Variants in CSRNP2 observed in about 807,000 individuals in gnomAD.
The protein encoded by CSRNP2 is cysteine/serine-rich nuclear protein 2.
Under a neutral mutation model 36.6 loss-of-function variants are expected in CSRNP2, and 11 were observed. That is an observed-to-expected ratio of 0.30 (90% CI 0.19 to 0.50). CSRNP2 has a LOEUF of 0.50. CSRNP2 is among the 20% of genes least tolerant of loss of function. The pLI is 0.98. For missense variants in CSRNP2, 483 were observed against 691.4 expected (o/e 0.70, Z 3.38); for synonymous variants, 248 against 275.3 (o/e 0.90, Z 0.98).
At chr12:51,070,453 C>T (rs1272913787) in intron 3 of CSRNP2, among the ~76,000 whole-genome samples, 1 of 152,100 alleles carries the variant, frequency 6.6e-6, no homozygotes, top group African/African-American at 2.4e-5. Flanking sequence ...CCTAAGCATA[C>T]CCCCTCCTGC....
intron 1 of CSRNP2, among the ~76,000 whole-genome samples, chr12:51,081,059 G>A (rs986182173): frequency 6.6e-6 from 1 of 152,066 alleles, no homozygotes; most frequent in Non-Finnish European, 1.5e-5. Flanking sequence ...AGGCCAAGGC[G>A]GGCAGATCAC....
At chr12:51,073,727 G>GAA (rs55789323) in intron 3 of CSRNP2, 96 bp downstream of exon 3, 38 of 1,033,124 alleles carry the variant, frequency 3.7e-5, no homozygotes, top group African/African-American at 7.4e-5. Context: ...CTCTGTCCCA[G>GAA]AAAAAAAAAA....
At chr12:51,077,426 AAC>A in intron 1 of CSRNP2, among the ~76,000 whole-genome samples, 1 of 152,320 alleles carries the variant, frequency 6.6e-6, no homozygotes, top group South Asian at 2.1e-4. Context: ...AGGCTGAGAG[AAC>A]ACAGAATGCA....
intron 2 of CSRNP2, among the ~76,000 whole-genome samples, chr12:51,074,725 A>C (rs1320383833): frequency 6.6e-6 from 1 of 152,202 alleles, no homozygotes; most frequent in Non-Finnish European, 1.5e-5. Context: ...TACAGCAGCT[A>C]CTAGCCATGT....
At chr12:51,072,820 G>A (rs1356110537) in intron 3 of CSRNP2, among the ~76,000 whole-genome samples, 2 of 152,152 alleles carry the variant, frequency 1.3e-5, no homozygotes, top group Admixed American at 1.3e-4. Flanking sequence ...TGTGCATCCG[G>A]CCAAGGGACA....
rs1218910839 is a variant in CSRNP2 at position 51,073,866 on chromosome 12, C to A, written c.368G>T (p.Arg123Leu). 1 of 1,614,090 alleles carries A rather than the reference C, an allele frequency of 6.2e-7. No individual in the cohort carries two copies. Among genetic ancestry groups the A allele is most frequent in the South Asian group, 1.1e-5 (1 of 91,080 alleles). Residue 123 changes from arginine (R) to leucine (L), a missense_variant, in exon 3 of 5, where the codon CGT becomes CTT. Physicochemically the swap from Arg to Leu is moderately radical, Grantham distance 102. Transcript: ENST00000228515. ...GAGTTTCTCTTCCTTCAGGTGCTCA[C>A]GCAGAATCTCTCGATGGTTCACCTC... ...EQEVNHREIL[R>L]EHLKEEKLHA... is the part of the protein sequence containing the mutation.
chr12:51,071,217 G>A (rs990690941), intron 3 of CSRNP2, among the ~76,000 whole-genome samples: 3 of 145,684 alleles, frequency 2.1e-5, no homozygotes, highest in Non-Finnish European at 3.0e-5. Context: ...CCGAGATTGC[G>A]CCACTGCACT....
intron 2 of CSRNP2, among the ~76,000 whole-genome samples, chr12:51,075,404 G>A (rs893026486): frequency 5.3e-5 from 8 of 152,220 alleles, no homozygotes; most frequent in Admixed American, 6.5e-5. Context: ...GAGCCACTGC[G>A]CCCAGCCACT....
intron 2 of CSRNP2, among the ~76,000 whole-genome samples, chr12:51,075,600 G>A (rs1939364403): frequency 6.6e-6 from 1 of 152,212 alleles, no homozygotes; most frequent in Admixed American, 6.5e-5. Context: ...GGTCTCTGTT[G>A]CAATAATTCA....
intron 3 of CSRNP2, among the ~76,000 whole-genome samples, chr12:51,073,460 AG>A: frequency 6.6e-6 from 1 of 151,856 alleles, no homozygotes; most frequent in African/African-American, 2.4e-5. Flanking sequence ...AGCTGGGTGC[AG>A]TGGCTCACAC....
intron 1 of CSRNP2, among the ~76,000 whole-genome samples, chr12:51,080,269 G>C (rs1449968729): frequency 6.6e-6 from 1 of 152,046 alleles, no homozygotes; most frequent in Non-Finnish European, 1.5e-5. Context: ...CCAGGCTTCT[G>C]GTAGTATCTC....
intron 4 of CSRNP2, among the ~76,000 whole-genome samples, chr12:51,064,877 CATTA>C (rs1355383112): frequency 2.0e-5 from 3 of 152,194 alleles, no homozygotes; most frequent in African/African-American, 7.2e-5. Flanking sequence ...CCAGCTCAGC[CATTA>C]ATTAGTGGTG....
At position 51,063,957 on chromosome 12, in the gene CSRNP2, T is replaced by C. The variant is rs752667020; in HGVS notation, c.1421A>G (p.Glu474Gly). 7.4e-6 allele frequency: 12 copies of C among 1,612,926 alleles called. No homozygotes were observed. Among genetic ancestry groups the C allele is most frequent in the Non-Finnish European group, 1.0e-5 (12 of 1,179,094 alleles). Residue 474 changes from glutamate to glycine, a missense_variant, in exon 5 of 5, where the codon GAG (glutamate) becomes GGG (glycine). Physicochemically the swap from Glu to Gly is moderately conservative, Grantham distance 98. Around this residue, in one of 2 missense-constraint regions of CSRNP2, gnomAD observed 277 missense variants for 323.6 expected, o/e 0.86. Transcript: ENST00000228515. ...TTCTAGGGTGGGTGTTTTCCCCACC[T>C]CTGATTTACAGAGGGCAGCTGGGTC... ...STDPAALCKS[E>G]VGKTPTLEAL...
chr12:51,081,845 AC>A (rs1566189049), intron 1 of CSRNP2, among the ~76,000 whole-genome samples: 231 of 150,136 alleles, frequency 1.5e-3, no homozygotes, highest in African/African-American at 5.1e-3. Context: ...AACAACAACA[AC>A]AACAAAAAAA....
rs1275852753 is a variant in CSRNP2, at chr12:51,062,987, G to A, written c.*759C>T. ...AGACACGTACAGAAGGCTCAGGCTC[G>A]TTATACCATATCCCCAGCCAATCCA... On this transcript the variant is annotated 3_prime_UTR_variant, in exon 5 of 5. Transcript: ENST00000228515. 3.3e-5 allele frequency: 5 copies of A among 152,232 alleles called. No individual in the cohort carries two copies. The highest frequency in any genetic ancestry group is 6.6e-5 in the Admixed American group (1 of 15,260). 9.4% of individuals were successfully genotyped at this position (152,232 alleles called of 1,614,324 possible). A position where few individuals can be genotyped will look rare whatever the true frequency, so the allele number is the denominator to read the frequency against.
At chr12:51,069,724 A>C (rs1179146025) in intron 3 of CSRNP2, among the ~76,000 whole-genome samples, 9 of 133,250 alleles carry the variant, frequency 6.8e-5, no homozygotes, top group Admixed American at 4.6e-4. Context: ...ACTGAGTCTC[A>C]CTCTGTCACC....
At chr12:51,066,619 CGACAGAACGAGACTCCG>C (rs1938367938) in intron 4 of CSRNP2, among the ~76,000 whole-genome samples, 1 of 139,442 alleles carries the variant, frequency 7.2e-6, no homozygotes, top group Non-Finnish European at 1.5e-5. Flanking sequence ...CCAGCCTGGG[CGACAGAACGAGACTCCG>C]TCTCAAAAAA....
At position 51,067,092 on chromosome 12, in the gene CSRNP2, A is replaced by G. The variant is rs545619521; in HGVS notation, c.708+581T>C. Among the ~76,000 whole-genome samples, 1 of 152,116 alleles carries G rather than the reference A, an allele frequency of 6.6e-6. No individual in the cohort carries two copies. The highest frequency in any genetic ancestry group is 1.5e-5 in the Non-Finnish European group (1 of 67,968). ...TCTGCCTGCCTGCCTCGGCCTCCCA[A>G]AGTGCTGGGATTACAGATGTGAGCC... On this transcript the variant is annotated intron_variant, in intron 4 of 4. Coordinates refer to ENST00000228515, the MANE Select transcript of CSRNP2 (RefSeq NM_030809.3). This position sits in a 1 kb window ranked among gnomAD's most constrained non-coding sequence, Gnocchi z 4.1.
At chr12:51,069,562 C>T (rs1938853788) in intron 3 of CSRNP2, among the ~76,000 whole-genome samples, 1 of 150,784 alleles carries the variant, frequency 6.6e-6, no homozygotes, top group South Asian at 2.1e-4. Context: ...GCTATAATTA[C>T]AGGCCTGAGC....
Sources: allele counts gnomAD v4.1 joint callset (sites outside exome capture counted in the v4.1 genomes callset), GRCh38; gene constraint gnomAD v4.1.1; regional missense constraint gnomAD v4.1.1; non-coding constraint Gnocchi (gnomAD v3.1); transcripts MANE v1.5; gene names NCBI Gene and HGNC (gene_info 2026-07-23, HGNC 2026-07-21).